Variants in NDUFAF6 observed in about 807,000 individuals in gnomAD.
The protein encoded by NDUFAF6 is NADH dehydrogenase (ubiquinone) complex I, assembly factor 6.
NDUFAF6 carries 45 observed loss-of-function variants against 40.8 expected under a neutral mutation model. The ratio of observed to expected loss-of-function variants is 1.10; its 90% CI spans 0.87 to 1.42. The LOEUF is 1.42. Among genes scored for constraint, NDUFAF6 ranks in the 40% most tolerant of loss-of-function variants. The pLI, the probability that NDUFAF6 is intolerant of heterozygous loss-of-function variation, is 0.00. For synonymous variants in NDUFAF6, 185 were observed against 155.9 expected (o/e 1.19, Z -1.39); for missense variants, 435 against 418.5 (o/e 1.04, Z -0.34).
At chr8:95,069,672 C>T (rs1036642810) in intron 9 of NDUFAF6, among the ~76,000 whole-genome samples, 5 of 149,958 alleles carry the variant, frequency 3.3e-5, no homozygotes, top group South Asian at 2.1e-4. Flanking sequence ...CCCAGCTACT[C>T]GGGAGGCTGA....
At chr8:95,086,558 G>C (rs1368450098) in intron 2 of NDUFAF6, among the ~76,000 whole-genome samples, 1 of 151,450 alleles carries the variant, frequency 6.6e-6, no homozygotes, top group Non-Finnish European at 1.5e-5. Context: ...CTGACAAAAG[G>C]CACCTCCCTC....
At chr8:94,916,858 TA>T (rs1360840267) in intron 1 of NDUFAF6, among the ~76,000 whole-genome samples, 1 of 145,354 alleles carries the variant, frequency 6.9e-6, no homozygotes, top group African/African-American at 2.6e-5. Flanking sequence ...CTCACACCTG[TA>T]ATCCCAGCAC....
upstream of NDUFAF6, among the ~76,000 whole-genome samples, chr8:95,024,652 T>G (rs1476142249): frequency 6.6e-6 from 1 of 152,184 alleles, no homozygotes; most frequent in Non-Finnish European, 1.5e-5. Context: ...TCTGTTCTCA[T>G]GGTGGATTTG....
intron 1 of NDUFAF6, among the ~76,000 whole-genome samples, chr8:94,901,650 C>T (rs1374463072): frequency 6.6e-6 from 1 of 152,172 alleles, no homozygotes; most frequent in East Asian, 1.9e-4. Context: ...GGCGCGATCT[C>T]AGCTCACTGC....
chr8:94,980,434 G>GT (rs1044902981), intron 1 of NDUFAF6, among the ~76,000 whole-genome samples: 68 of 137,314 alleles, frequency 5.0e-4, no homozygotes, highest in African/African-American at 1.4e-3. Flanking sequence ...GTCAACTGTG[G>GT]TTTTTTTGTT....
At chr8:94,917,110 CAAAAAAAAA>C (rs35834003) in intron 1 of NDUFAF6, among the ~76,000 whole-genome samples, 1 of 89,578 alleles carries the variant, frequency 1.1e-5, no homozygotes, top group Non-Finnish European at 2.2e-5. Context: ...GACTCCATCT[CAAAAAAAAA>C]AAAAAAAAAG....
chr8:95,025,380 A>G (rs1458734075), intron 1 of NDUFAF6, among the ~76,000 whole-genome samples, 175 bp downstream of exon 1: 1 of 152,232 alleles, frequency 6.6e-6, no homozygotes, highest in East Asian at 1.9e-4. Context: ...GCGGGCCCAC[A>G]GGAACATTCA....
At chr8:95,037,033 C>T (rs1356809442) in intron 3 of NDUFAF6, among the ~76,000 whole-genome samples, 1 of 152,192 alleles carries the variant, frequency 6.6e-6, no homozygotes, top group East Asian at 1.9e-4. Context: ...GGAACAATGA[C>T]AATGTGTTAT....
upstream of NDUFAF6, chr8:95,023,372 G>A (rs2131704368): frequency 6.6e-6 from 1 of 152,250 alleles, no homozygotes; most frequent in East Asian, 1.9e-4. Flanking sequence ...GAGTTCTTAG[G>A]GCCAGAGGAC....
At chr8:95,075,738 T>A (rs1247920864) in exon 10 of NDUFAF6, 1 of 1,278,446 alleles carries the variant, frequency 7.8e-7, no homozygotes, top group Non-Finnish European at 1.0e-6. Flanking sequence ...GTTCTAGGCA[T>A]GCGCACTTCT....
rs182033222 is a variant in NDUFAF6, at chr8:94,903,577, C to T, written c.-936+7650C>T. On this transcript the variant is annotated intron_variant, in intron 1 of 14. Transcript: ENST00000396113. Reference sequence around the variant, plus strand: ...TACTTACGCAGTAATAGCATAAAAGCGTGCTTCACCAAAGTAGCCATCAAT... The same window carrying T: ...TACTTACGCAGTAATAGCATAAAAGTGTGCTTCACCAAAGTAGCCATCAAT... Among the ~76,000 whole-genome samples the T allele has an allele frequency of 4.2e-4, 64 of 152,266 alleles. 1 individual carries two copies. Among genetic ancestry groups the T allele is most frequent in the Middle Eastern group, 6.8e-3 (2 of 294 alleles).
At chr8:95,029,238 A>G (rs1190431678) in intron 1 of NDUFAF6, among the ~76,000 whole-genome samples, 1 of 152,232 alleles carries the variant, frequency 6.6e-6, no homozygotes, top group Non-Finnish European at 1.5e-5. Flanking sequence ...CCTTATACTT[A>G]AGTCATCTTT....
intron 1 of NDUFAF6, among the ~76,000 whole-genome samples, chr8:94,899,816 C>A (rs1238269095): frequency 1.3e-5 from 2 of 152,198 alleles, no homozygotes; most frequent in African/African-American, 4.8e-5. Flanking sequence ...CCAAACTGCC[C>A]TTCCAAAGCA....
rs796574253 is a variant in NDUFAF6, at chr8:95,088,719, GTGTGTGTGTTTTCTTTT to G, written n.214-12409_214-12393del. On this transcript the variant is annotated intron_variant and non_coding_transcript_variant, in intron 2 of 5. Transcript: ENST00000523184. ...TGTGTGTGTGTGTGTGTGTGTGTGT[GTGTGTGTGTTTTCTTTT>G]TGTTTTCTTGTTTTTATTTTATTTT... is the stretch of plus-strand genomic sequence containing the variant. Among the ~76,000 whole-genome samples, 172 of 101,178 alleles carry G rather than the reference GTGTGTGTGTTTTCTTTT, an allele frequency of 1.7e-3. 1 individual carries two copies. The South Asian group carries it at 0.026, about 15-fold the overall frequency. 66.4% of individuals were successfully genotyped at this position (101,178 alleles called of 152,430 possible).
chr8:95,042,605 C>G (rs969382517), intron 4 of NDUFAF6, among the ~76,000 whole-genome samples: 1 of 152,140 alleles, frequency 6.6e-6, no homozygotes, highest in Non-Finnish European at 1.5e-5. Flanking sequence ...TTTCAAAATT[C>G]CAGCTTTCTT....
intron 1 of NDUFAF6, among the ~76,000 whole-genome samples, chr8:94,960,332 T>C (rs561174725): frequency 6.6e-6 from 1 of 152,354 alleles, no homozygotes; most frequent in East Asian, 1.9e-4. Context: ...AGTACGACTC[T>C]GCTATTTTCA....
chr8:94,972,721 T>C (rs1586853592), intron 1 of NDUFAF6, among the ~76,000 whole-genome samples: 1 of 129,372 alleles, frequency 7.7e-6, no homozygotes, highest in East Asian at 2.2e-4. Context: ...CAAGACCCTG[T>C]CTCTACTGAA....
downstream of NDUFAF6, among the ~76,000 whole-genome samples, chr8:95,059,578 G>T (rs1298448802): frequency 6.6e-6 from 1 of 152,118 alleles, no homozygotes; most frequent in Non-Finnish European, 1.5e-5. Flanking sequence ...GCCGGGCGTG[G>T]TGGCTCATGC....
chr8:94,950,395 A>C (rs1411372718), intron 2 of NDUFAF6: 1 of 152,294 alleles, frequency 6.6e-6, no homozygotes, highest in East Asian at 1.9e-4. Context: ...TCTCATGTGG[A>C]TACTGTTTGG....
Sources: allele counts gnomAD v4.1 joint callset (sites outside exome capture counted in the v4.1 genomes callset), GRCh38; gene constraint gnomAD v4.1.1; transcripts MANE v1.5; gene names NCBI Gene and HGNC (gene_info 2026-07-23, HGNC 2026-07-21).